The following LPIN1 variants were observed in gnomAD, a reference collection of about 807,000 sequenced individuals.
The protein encoded by LPIN1 is phosphatidate phosphatase LPIN1.
Under a neutral mutation model 107.5 loss-of-function variants are expected in LPIN1, and 71 were observed. That is an observed-to-expected ratio of 0.66 (90% confidence interval 0.55 to 0.80). LPIN1 has a LOEUF of 0.80. LPIN1 is among the 30% of genes least tolerant of loss of function. The pLI is 0.00. For missense variants in LPIN1, 1,043 were observed against 1,160.6 expected (o/e 0.90, Z 1.47); for synonymous variants, 445 against 452.6 (o/e 0.98, Z 0.21).
intron 2 of LPIN1, among the ~76,000 whole-genome samples, chr2:11,714,900 T>C (rs535293569): frequency 6.6e-6 from 1 of 152,032 alleles, no homozygotes; most frequent in East Asian, 1.9e-4. Context: ...GCAGGCAGAG[T>C]GAGAGGTTCG....
At chr2:11,691,842 A>G (rs998057902) in intron 1 of LPIN1, among the ~76,000 whole-genome samples, 3 of 152,262 alleles carry the variant, frequency 2.0e-5, no homozygotes, top group Non-Finnish European at 4.4e-5. Flanking sequence ...GAATGTCTAA[A>G]TGCTGTGCTT....
At chr2:11,787,318 T>G in intron 11 of LPIN1, 151 bp downstream of exon 11, 1 of 658,458 alleles carries the variant, frequency 1.5e-6, no homozygotes, top group African/African-American at 1.8e-5. Context: ...TGGTCAGGGT[T>G]CCATGCCAAT....
At position 11,820,526 on chromosome 2, in the gene LPIN1, A is replaced by G; in HGVS notation, c.2621+12A>G. ...ACCAACATCTCTTCGTGAGTATTGT[A>G]CACATTTTATGTGATTATGATATCA... is the stretch of plus-strand genomic sequence containing the variant. On this transcript the variant is annotated intron_variant, in intron 20 of 20. Transcript: ENST00000674199. 6.4e-7 allele frequency: 1 copy of G among 1,574,058 alleles called. No homozygotes were observed. The highest frequency in any genetic ancestry group is 8.7e-7 in the Non-Finnish European group (1 of 1,143,386).
intron 14 of LPIN1, among the ~76,000 whole-genome samples, chr2:11,796,818 C>A (rs1676805851): frequency 1.3e-5 from 2 of 152,224 alleles, no homozygotes; most frequent in South Asian, 4.1e-4. Context: ...GGAAAGCAGA[C>A]ATTTCAAAAT....
At chr2:11,822,692 A>G (rs1681748714) in intron 20 of LPIN1, among the ~76,000 whole-genome samples, 1 of 152,142 alleles carries the variant, frequency 6.6e-6, no homozygotes, top group Non-Finnish European at 1.5e-5. Flanking sequence ...GGAATTCAAG[A>G]TGAGATTTGG....
chr2:11,804,338 T>C, intron 15 of LPIN1, 85 bp from the exon 16 acceptor site: 1 of 1,461,712 alleles, frequency 6.8e-7, no homozygotes, highest in Non-Finnish European at 9.5e-7. Flanking sequence ...AGCCGAATCC[T>C]GCTTCTCATA....
At chr2:11,690,873 T>C (rs1662233887) in intron 1 of LPIN1, among the ~76,000 whole-genome samples, 1 of 152,186 alleles carries the variant, frequency 6.6e-6, no homozygotes, top group Non-Finnish European at 1.5e-5. Context: ...TTAATGGAGG[T>C]TATTCCTTAA....
chr2:11,785,113 G>A (rs754764110), intron 10 of LPIN1, 37 bp downstream of exon 10: 4 of 1,488,524 alleles, frequency 2.7e-6, no homozygotes, highest in Admixed American at 2.2e-5. Context: ...TCTGGTGGCC[G>A]CCGGTCAGAA....
At chr2:11,719,660 C>T (rs1045484357), upstream of LPIN1, among the ~76,000 whole-genome samples, 4 of 152,140 alleles carry the variant, frequency 2.6e-5, no homozygotes, top group Non-Finnish European at 5.9e-5. Context: ...TCTCTTGCTC[C>T]GTCTGGCATC....
intron 1 of LPIN1, among the ~76,000 whole-genome samples, chr2:11,687,954 C>T (rs977958877): frequency 7.9e-5 from 12 of 152,228 alleles, no homozygotes; most frequent in African/African-American, 9.6e-5. Flanking sequence ...TCACGCCCTC[C>T]GGGCTCTGGG....
chr2:11,710,972 T>C (rs1423376255), intron 1 of LPIN1, among the ~76,000 whole-genome samples: 1 of 152,214 alleles, frequency 6.6e-6, no homozygotes, highest in Non-Finnish European at 1.5e-5. Flanking sequence ...ATTTAATCTC[T>C]GAATTCAAAC....
At chr2:11,690,165 C>A (rs1191588300) in intron 1 of LPIN1, among the ~76,000 whole-genome samples, 1 of 152,180 alleles carries the variant, frequency 6.6e-6, no homozygotes, top group East Asian at 1.9e-4. Context: ...GTATCTTTAT[C>A]TACACTTTTT....
intron 1 of LPIN1, among the ~76,000 whole-genome samples, chr2:11,711,355 C>T (rs1663397663): frequency 6.6e-6 from 1 of 152,174 alleles, no homozygotes; most frequent in African/African-American, 2.4e-5. Context: ...TCATTAGCTG[C>T]CATATTAAGC....
At chr2:11,723,075 T>A (rs1664269633), upstream of LPIN1, among the ~76,000 whole-genome samples, 1 of 151,910 alleles carries the variant, frequency 6.6e-6, no homozygotes, top group South Asian at 2.1e-4. Context: ...AGAAAAAAAA[T>A]CTCTTCCCTG....
At chr2:11,694,660 A>C (rs1572330714) in intron 1 of LPIN1, among the ~76,000 whole-genome samples, 1 of 152,208 alleles carries the variant, frequency 6.6e-6, no homozygotes, top group Non-Finnish European at 1.5e-5. Context: ...TTCCCAGCCC[A>C]GCACCTAGCA....
At chr2:11,687,011 T>A (rs981478924) in intron 1 of LPIN1, among the ~76,000 whole-genome samples, 1 of 145,176 alleles carries the variant, frequency 6.9e-6, no homozygotes, top group African/African-American at 2.6e-5. Context: ...TTTTTTTTTT[T>A]TTTTTTTGAG....
intron 7 of LPIN1, 47 bp from the exon 8 acceptor site, chr2:11,782,154 G>C (rs776859585): frequency 6.7e-7 from 1 of 1,499,894 alleles, no homozygotes; most frequent in Non-Finnish European, 9.3e-7. Context: ...GGTTGCCTTT[G>C]TGCTGACCTT....
chr2:11,783,724 G>T, intron 8 of LPIN1, 105 bp from the exon 9 acceptor site: 1 of 948,948 alleles, frequency 1.1e-6, no homozygotes, highest in Non-Finnish European at 1.7e-6. Flanking sequence ...TGAGTACCTG[G>T]GAGCAAATCT....
chr2:11,784,579 C>T, intron 9 of LPIN1: 1 of 507,462 alleles, frequency 2.0e-6, no homozygotes, highest in South Asian at 2.2e-5. Context: ...AGTCCCCCTG[C>T]GATCTAGGGC....
Sources: gnomAD v4.1 joint callset for allele counts (sites outside exome capture counted in the v4.1 genomes callset) on GRCh38, gnomAD v4.1.1 for gene constraint, MANE v1.5 for transcripts, NCBI Gene and HGNC (gene_info 2026-07-23, HGNC 2026-07-21) for gene names.